The following TRAF7 variants were observed in gnomAD, a reference collection of about 807,000 sequenced individuals.
TRAF7 encodes the protein E3 ubiquitin-protein ligase TRAF7.
A neutral mutation model predicts 89.3 loss-of-function variants in TRAF7; 45 were observed. The observed-to-expected ratio is 0.50, with a 90% CI of 0.40 to 0.65. TRAF7 has a LOEUF of 0.65. Among genes scored for constraint, TRAF7 ranks in the 30% least tolerant of loss-of-function variants. The pLI, the probability that TRAF7 is intolerant of heterozygous loss-of-function variation, is 0.00. For missense variants in TRAF7, 677 were observed against 918.1 expected, an observed-to-expected ratio of 0.74 and a Z score of 3.39; for synonymous variants, 406 against 369.2, an observed-to-expected ratio of 1.10 and a Z score of -1.14.
chr16:2,170,516 T>C, intron 4 of TRAF7, 98 bp from the exon 5 acceptor site: 1 of 848,822 alleles, frequency 1.2e-6, no homozygotes, highest in Non-Finnish European at 1.9e-6. Flanking sequence ...GCCCCAGGGG[T>C]GCTGCTGCCC....
rs941548950 is a variant in TRAF7, at chr16:2,172,742, G to A, written c.794+143G>A. ...GTCTGTAATCCTCTCTGAGGCCCAA[G>A]GCCCTGGAAACCCAGAGGGGGAGCC... On this transcript the variant is annotated intron_variant, in intron 9 of 20. Coordinates refer to ENST00000326181, the MANE Select transcript of TRAF7 (RefSeq NM_032271.3). 2.6e-6 allele frequency: 3 copies of A among 1,140,308 alleles called. No homozygotes were observed. In the African/African-American group the frequency reaches 4.7e-5, roughly 18 times the overall value. The allele number at this position is 1,140,308 out of a possible 1,614,324, so 70.6% of individuals were successfully genotyped here.
At chr16:2,165,066 G>A (rs113439470) in intron 2 of TRAF7, among the ~76,000 whole-genome samples, 22 of 115,336 alleles carry the variant, frequency 1.9e-4, no homozygotes, top group African/African-American at 7.8e-4. Context: ...ATGCTGAAGC[G>A]TGTGAGTGCT....
intron 9 of TRAF7, 87 bp from the exon 10 acceptor site, chr16:2,173,095 C>A: frequency 7.6e-7 from 1 of 1,315,248 alleles, no homozygotes; most frequent in Non-Finnish European, 1.1e-6. Context: ...GCAGCGGCCA[C>A]AGGGCTGGAG....
intron 2 of TRAF7, among the ~76,000 whole-genome samples, 154 bp downstream of exon 2, chr16:2,164,155 T>A (rs568927829): frequency 7.7e-6 from 1 of 130,480 alleles, no homozygotes; most frequent in Admixed American, 7.6e-5. Flanking sequence ...TGTGTGTGTG[T>A]GTGTGCGCGC....
Position 2,169,396 on chromosome 16 carries a change from C to G in TRAF7, c.232-1218C>G, listed in dbSNP as rs556382342. Among the ~76,000 whole-genome samples, 59 of 152,202 alleles carry G rather than the reference C, an allele frequency of 3.9e-4. 1 individual carries two copies. The highest frequency in any genetic ancestry group is 2.2e-4 in the Non-Finnish European group (15 of 67,994). On this transcript the variant is annotated intron_variant, in intron 4 of 20. Transcript: ENST00000326181. ...CCGTCCCCTGGGCCTCTGCCTGCCT[C>G]GGTCTCCACAACCCGAAGCCACGAG...
chr16:2,160,551 G>A (rs1214078629), intron 1 of TRAF7, among the ~76,000 whole-genome samples: 1 of 127,568 alleles, frequency 7.8e-6, no homozygotes, highest in African/African-American at 3.6e-5. Flanking sequence ...CGGTGTGGAT[G>A]GGCGGGCGGT....
Position 2,172,179 on chromosome 16 carries a change from C to T in TRAF7, c.476-12C>T, listed in dbSNP as rs759512508. On this transcript the variant is annotated splice_polypyrimidine_tract_variant and intron_variant, in intron 7 of 20. Transcript: ENST00000326181. ...GGCAGGCCGTGAGGGTCAGCACGCC[C>T]TCCTCTCCCAGAGAAGTGTCCCGTG... 30 of 1,612,808 alleles carry T rather than the reference C, an allele frequency of 1.9e-5. No homozygotes were observed. The highest frequency in any genetic ancestry group is 2.4e-5 in the Non-Finnish European group (28 of 1,179,942).
chr16:2,164,414 G>T (rs370654252), intron 2 of TRAF7, among the ~76,000 whole-genome samples: 25 of 133,238 alleles, frequency 1.9e-4, no homozygotes, highest in East Asian at 1.2e-3. Context: ...TTAAGCGTGT[G>T]AGTGCTGCGT....
At chr16:2,164,126 T>TGTG in intron 2 of TRAF7, 125 bp downstream of exon 2, 1 of 519,914 alleles carries the variant, frequency 1.9e-6, no homozygotes, top group East Asian at 4.4e-5. Flanking sequence ...GGGAGCTCGG[T>TGTG]GGGGGGGGGT....
intron 2 of TRAF7, among the ~76,000 whole-genome samples, 154 bp downstream of exon 2, chr16:2,164,155 TGTGTGCGCGCGCGCGCGC>T (rs1420130264): frequency 2.3e-5 from 3 of 130,478 alleles, no homozygotes; most frequent in African/African-American, 9.0e-5. Context: ...TGTGTGTGTG[TGTGTGCGCGCGCGCGCGC>T]GCGCGCGCAC....
At chr16:2,172,413 G>C in intron 8 of TRAF7, 39 bp downstream of exon 8, 1 of 1,610,960 alleles carries the variant, frequency 6.2e-7, no homozygotes, top group Non-Finnish European at 8.5e-7. Flanking sequence ...CTCCCTGGGG[G>C]CTGCTTCTCA....
At chr16:2,160,898 T>G (rs2093055793) in intron 1 of TRAF7, among the ~76,000 whole-genome samples, 1 of 152,050 alleles carries the variant, frequency 6.6e-6, no homozygotes, top group Non-Finnish European at 1.5e-5. Context: ...CATCAGGGGA[T>G]GCTGAGCTAT....
intron 3 of TRAF7, 94 bp from the exon 4 acceptor site, chr16:2,167,983 G>A (rs758995437): frequency 5.7e-5 from 66 of 1,163,344 alleles, no homozygotes; most frequent in Non-Finnish European, 7.9e-5. Context: ...TGAGCTACAG[G>A]GGACCCACAG....
Position 2,168,335 on chromosome 16 carries a change from AAGG to A in TRAF7, c.231+171_231+173del. On this transcript the variant is annotated intron_variant, in intron 4 of 20. Transcript: ENST00000326181. The surrounding 1 kb of genome is among the most constrained non-coding windows in gnomAD (Gnocchi z 4.1). ...CGGCAGACATGGCAAGTCTGTGAGA[AAGG>A]AGGCTCCTGTGGCTGGACTGTGGGT... 1 of 584,968 alleles carries A rather than the reference AAGG, an allele frequency of 1.7e-6. No individual in the cohort carries two copies. The highest frequency in any genetic ancestry group is 3.0e-6 in the Non-Finnish European group (1 of 338,646). 36.2% of individuals were successfully genotyped at this position (584,968 alleles called of 1,614,324 possible). A position where few individuals can be genotyped will look rare whatever the true frequency, so the allele number is the denominator to read the frequency against.
At chr16:2,165,095 G>A (rs563922858) in intron 2 of TRAF7, among the ~76,000 whole-genome samples, 7 of 125,112 alleles carry the variant, frequency 5.6e-5, no homozygotes, top group East Asian at 4.5e-4. Context: ...TGGCCTGGTC[G>A]CATGGTTAAG....
chr16:2,168,350 G>T lies in TRAF7; in HGVS notation c.231+182G>T. 1.7e-6 allele frequency: 1 copy of T among 573,604 alleles called. No individual in the cohort carries two copies. Among genetic ancestry groups the T allele is most frequent in the Non-Finnish European group, 3.1e-6 (1 of 327,038 alleles). 35.5% of individuals were successfully genotyped at this position (573,604 alleles called of 1,614,324 possible). A position where few individuals can be genotyped will look rare whatever the true frequency, so the allele number is the denominator to read the frequency against. Reference sequence around the variant, plus strand: ...GTCTGTGAGAAAGGAGGCTCCTGTGGCTGGACTGTGGGTGGCAGGGGGCAG... The same window carrying T: ...GTCTGTGAGAAAGGAGGCTCCTGTGTCTGGACTGTGGGTGGCAGGGGGCAG... On this transcript the variant is annotated intron_variant, in intron 4 of 20. Coordinates refer to ENST00000326181, the MANE Select transcript of TRAF7 (RefSeq NM_032271.3). This position sits in a 1 kb window ranked among gnomAD's most constrained non-coding sequence, Gnocchi z 4.1.
chr16:2,174,770 C>T (rs929833144), intron 14 of TRAF7, among the ~76,000 whole-genome samples: 1 of 152,198 alleles, frequency 6.6e-6, no homozygotes, highest in African/African-American at 2.4e-5. Flanking sequence ...TTTGTGGGAG[C>T]GAGCAAGTAA....
intron 2 of TRAF7, among the ~76,000 whole-genome samples, chr16:2,164,637 C>T (rs1168924610): frequency 7.2e-6 from 1 of 138,388 alleles, no homozygotes; most frequent in Admixed American, 7.2e-5. Flanking sequence ...CGTGGCGCGG[C>T]CTGGTCGCAT....
At chr16:2,166,705 T>C (rs1203746691) in intron 3 of TRAF7, among the ~76,000 whole-genome samples, 1 of 152,206 alleles carries the variant, frequency 6.6e-6, no homozygotes, top group Non-Finnish European at 1.5e-5. Flanking sequence ...CCAAGCCCAA[T>C]AAATCTTCAC....
Sources: gnomAD v4.1 joint callset for allele counts (sites outside exome capture counted in the v4.1 genomes callset) on GRCh38, gnomAD v4.1.1 for gene constraint, Gnocchi (gnomAD v3.1) non-coding constraint, MANE v1.5 for transcripts, NCBI Gene and HGNC (gene_info 2026-07-23, HGNC 2026-07-21) for gene names.